Variants in LARGE1 observed in about 807,000 individuals in gnomAD.
LARGE1 encodes LARGE xylosyl- and glucuronyltransferase 1, also known as xylosyl- and glucuronyltransferase LARGE1.
Under a neutral mutation model 87.6 loss-of-function variants are expected in LARGE1, and 43 were observed. The observed-to-expected ratio is 0.49, with a 90% CI of 0.38 to 0.63. LARGE1 has a LOEUF of 0.63. LARGE1 is among the 30% of genes least tolerant of loss of function. LARGE1 has a pLI of 0.00. For synonymous variants in LARGE1, 434 were observed against 394.6 expected (o/e 1.10, Z -1.18); for missense variants, 802 against 1,000.2 (o/e 0.80, Z 2.67).
chr22:33,660,724 AT>A (rs1200455524), intron 2 of LARGE1, among the ~76,000 whole-genome samples: 3 of 152,240 alleles, frequency 2.0e-5, no homozygotes, highest in Admixed American at 6.5e-5. Flanking sequence ...TAACGATTTT[AT>A]CCTTTGCAAA....
At chr22:33,433,304 G>T (rs2067147657) in intron 6 of LARGE1, among the ~76,000 whole-genome samples, 1 of 152,106 alleles carries the variant, frequency 6.6e-6, no homozygotes, top group African/African-American at 2.4e-5. Flanking sequence ...TTTGTAGAAA[G>T]GGAAATTGAG....
intron 12 of LARGE1, among the ~76,000 whole-genome samples, chr22:33,283,674 G>C (rs56398863): frequency 6.6e-6 from 1 of 152,148 alleles, no homozygotes; most frequent in Non-Finnish European, 1.5e-5. Context: ...CTACTTGGGG[G>C]ACTGAGGCAT....
intron 4 of LARGE1, among the ~76,000 whole-genome samples, chr22:33,607,776 T>C (rs957584104): frequency 7.2e-5 from 11 of 152,174 alleles, no homozygotes; most frequent in Admixed American, 5.9e-4. Flanking sequence ...CTGCCATACA[T>C]GTAACAGGTG....
chr22:33,588,532 TGTGC>T (rs1249162952), intron 5 of LARGE1, among the ~76,000 whole-genome samples: 1 of 144,478 alleles, frequency 6.9e-6, no homozygotes, highest in African/African-American at 2.6e-5. Flanking sequence ...TGTGTGTGTG[TGTGC>T]GCACGCACGC....
chr22:33,612,230 T>TA (rs772978464), intron 4 of LARGE1, among the ~76,000 whole-genome samples: 2 of 150,748 alleles, frequency 1.3e-5, no homozygotes, highest in Non-Finnish European at 3.0e-5. Flanking sequence ...CAGCCTCCCA[T>TA]GTAGCTGGGA....
intron 10 of LARGE1, among the ~76,000 whole-genome samples, chr22:33,324,261 C>CA (rs150205490): frequency 0.95 from 89,781 of 94,832 alleles, 42,438 homozygotes; most frequent in East Asian, 1. Flanking sequence ...AAAAAAAAGC[C>CA]AAAAAAACAA....
intron 7 of LARGE1, among the ~76,000 whole-genome samples, chr22:33,412,700 G>A (rs112997271): frequency 5.3e-4 from 81 of 151,864 alleles, no homozygotes; most frequent in African/African-American, 1.8e-3. Flanking sequence ...TTGCTGTGTC[G>A]CCCAGGCTGG....
intron 11 of LARGE1, among the ~76,000 whole-genome samples, chr22:33,240,826 C>T (rs1926477176): frequency 6.6e-6 from 1 of 152,132 alleles, no homozygotes; most frequent in Non-Finnish European, 1.5e-5. Flanking sequence ...TCAGATGCTA[C>T]TCGTTTTCTG....
chr22:33,478,912 G>C (rs1017742760), intron 6 of LARGE1, among the ~76,000 whole-genome samples: 1 of 152,160 alleles, frequency 6.6e-6, no homozygotes, highest in Non-Finnish European at 1.5e-5. Flanking sequence ...GGTACCGGGG[G>C]ACTTAGACCT....
chr22:33,632,548 C>T, intron 3 of LARGE1, among the ~76,000 whole-genome samples: 1 of 628 alleles, frequency 1.6e-3, no homozygotes, highest in Admixed American at 0.036. Context: ...CTGTCAGGGG[C>T]CCAATCACAC....
At chr22:33,100,240 C>G in the LARGE1 span, among the ~76,000 whole-genome samples, 3 of 148,050 alleles carry the variant, frequency 2.0e-5, no homozygotes, top group African/African-American at 5.0e-5. Context: ...CCCAGCTACT[C>G]GGGAGGCTGA....
intron 6 of LARGE1, among the ~76,000 whole-genome samples, chr22:33,448,584 G>C (rs1218345156): frequency 6.6e-6 from 1 of 152,118 alleles, no homozygotes; most frequent in Non-Finnish European, 1.5e-5. Flanking sequence ...CTGGGCCAAT[G>C]ATCAGCTCAG....
At position 33,510,232 on chromosome 22, in the gene LARGE1, T is replaced by A. The variant is rs2070991016; in HGVS notation, c.787+54616A>T. On this transcript the variant is annotated intron_variant, in intron 6 of 14. Transcript: ENST00000397394. ...GCAAGTCTTAATCCCTGCAGCCACC[T>A]TGTAAGGGGGTAGTGGTGATGACAG... Among the ~76,000 whole-genome samples, 7 of 152,192 alleles carry A rather than the reference T, an allele frequency of 4.6e-5. 1 individual carries two copies. In the South Asian group the frequency reaches 1.4e-3, roughly 32 times the overall value.
At chr22:33,510,600 G>A (rs1311054963) in intron 6 of LARGE1, among the ~76,000 whole-genome samples, 1 of 152,170 alleles carries the variant, frequency 6.6e-6, no homozygotes, top group Non-Finnish European at 1.5e-5. Context: ...TTTGAGACAG[G>A]ATCTAACTCC....
intron 2 of LARGE1, among the ~76,000 whole-genome samples, chr22:33,659,685 C>G (rs1401059678): frequency 1.4e-5 from 2 of 145,876 alleles, no homozygotes; most frequent in Non-Finnish European, 3.0e-5. Context: ...AACCAAAGCA[C>G]ACTTGAGTTC....
rs183397171 is a variant in LARGE1, at chr22:33,917,251, T to A, written c.-83+2744A>T. On this transcript the variant is annotated intron_variant, in intron 1 of 14. Transcript: ENST00000397394. The stretch of plus-strand genomic sequence containing the variant: ...CTTCTTGGCCTCTACCTTGCATCTT[T>A]CCTGTCTCCCCGCTACTCCCACCTC... 1.8e-3 allele frequency among the ~76,000 whole-genome samples: 272 copies of A among 152,318 alleles called. 1 individual carries two copies. Among genetic ancestry groups the A allele is most frequent in the African/African-American group, 6.3e-3 (263 of 41,564 alleles).
intron 5 of LARGE1, among the ~76,000 whole-genome samples, chr22:33,565,359 A>G (rs754705288): frequency 1.4e-4 from 22 of 152,254 alleles, no homozygotes; most frequent in Non-Finnish European, 1.6e-4. Flanking sequence ...AAAAACATAA[A>G]GGTCCAAAAA....
chr22:33,158,698 A>G (rs924159994), downstream of LARGE1, among the ~76,000 whole-genome samples: 2 of 152,188 alleles, frequency 1.3e-5, no homozygotes, highest in African/African-American at 4.8e-5. Context: ...ACAAGTAACT[A>G]TCCAAAGTAA....
At chr22:33,618,308 T>C (rs1321531769) in intron 4 of LARGE1, among the ~76,000 whole-genome samples, 1 of 152,196 alleles carries the variant, frequency 6.6e-6, no homozygotes, top group Non-Finnish European at 1.5e-5. Flanking sequence ...TCAAAAGGCC[T>C]TGTAATGCAG....
Sources: allele counts gnomAD v4.1 joint callset (sites outside exome capture counted in the v4.1 genomes callset), GRCh38; gene constraint gnomAD v4.1.1; transcripts MANE v1.5; gene names NCBI Gene and HGNC (gene_info 2026-07-23, HGNC 2026-07-21).